Variants in PCLO observed in about 807,000 individuals in gnomAD.
PCLO encodes piccolo presynaptic cytomatrix protein.
PCLO carries 82 observed loss-of-function variants against 427.5 expected under a neutral mutation model. The observed-to-expected ratio is 0.19, with a 90% CI of 0.16 to 0.23. The LOEUF is 0.23. Ranked by LOEUF, PCLO falls within the 10% of genes least tolerant of loss-of-function variation. The probability of loss-of-function intolerance (pLI) is 1.00; values close to 1 mark genes in which losing one functional copy is unlikely to be tolerated. For synonymous variants in PCLO, 2,357 were observed against 2,155.4 expected (o/e 1.09, Z -2.59); for missense variants, 6,239 against 6,115.9 (o/e 1.02, Z -0.67).
intron 3 of PCLO, among the ~76,000 whole-genome samples, chr7:82,991,548 A>C (rs970279872): frequency 3.3e-5 from 5 of 152,094 alleles, no homozygotes; most frequent in Non-Finnish European, 5.9e-5. Context: ...AGATAACAAT[A>C]TATTTAAATA....
At chr7:83,050,208 G>GAAAAAAAAA (rs556193471) in intron 3 of PCLO, among the ~76,000 whole-genome samples, 2 of 5,458 alleles carry the variant, frequency 3.7e-4, no homozygotes, top group African/African-American at 5.0e-4. Context: ...CTGAAAAACT[G>GAAAAAAAAA]AAAAAAAAAA....
At chr7:82,773,250 G>A (rs1257211437) in intron 22 of PCLO, among the ~76,000 whole-genome samples, 1 of 152,152 alleles carries the variant, frequency 6.6e-6, no homozygotes, top group East Asian at 1.9e-4. Flanking sequence ...TATAATGTAA[G>A]AAAAACTAGG....
At chr7:83,074,039 T>G (rs955198976) in intron 3 of PCLO, among the ~76,000 whole-genome samples, 1 of 152,074 alleles carries the variant, frequency 6.6e-6, no homozygotes, top group African/African-American at 2.4e-5. Flanking sequence ...ACACATATAA[T>G]TGTGGAAAAG....
At chr7:83,064,594 A>G (rs934491938) in intron 3 of PCLO, among the ~76,000 whole-genome samples, 1 of 152,038 alleles carries the variant, frequency 6.6e-6, no homozygotes, top group Non-Finnish European at 1.5e-5. Flanking sequence ...GTACCTTGTT[A>G]TTATTATTCC....
intron 3 of PCLO, among the ~76,000 whole-genome samples, chr7:83,088,795 C>T (rs1013388033): frequency 6.6e-6 from 1 of 152,084 alleles, no homozygotes; most frequent in East Asian, 1.9e-4. Flanking sequence ...ATGTCCTTAC[C>T]ACAGAGAAAG....
At chr7:82,822,758 C>T in intron 19 of PCLO, 69 bp from the exon 20 acceptor site, 3 of 1,389,968 alleles carry the variant, frequency 2.2e-6, no homozygotes, top group East Asian at 2.3e-5. Context: ...TTGGTTTACA[C>T]ATAATTTGAA....
rs1201296534 is a variant in PCLO at position 82,937,397 on chromosome 7, TCTA to T, written c.11112+12076_11112+12078del. Among the ~76,000 whole-genome samples, 11 of 150,816 alleles carry T rather than the reference TCTA, an allele frequency of 7.3e-5. No individual in the cohort carries two copies. The East Asian group carries it at 1.2e-3, about 16-fold the overall frequency. On this transcript the variant is annotated intron_variant, in intron 6 of 24. Transcript: ENST00000333891. Reference sequence around the variant, plus strand: ...CCTCACTTTGTATAAAATAATAAACTCTACTGTAGTATTTTAAAATATGTTTAA... The same window carrying T: ...CCTCACTTTGTATAAAATAATAAACTCTGTAGTATTTTAAAATATGTTTAA...
chr7:82,808,550 A>G (rs2129468895), intron 20 of PCLO, among the ~76,000 whole-genome samples: 1 of 152,012 alleles, frequency 6.6e-6, no homozygotes, highest in African/African-American at 2.4e-5. Context: ...TAGAATTCTC[A>G]TTTTGAAAGC....
chr7:82,778,726 G>A (rs1017923154), intron 22 of PCLO, among the ~76,000 whole-genome samples: 1 of 151,802 alleles, frequency 6.6e-6, no homozygotes, highest in African/African-American at 2.4e-5. Context: ...GATTTTCTCT[G>A]AGTCATTTAT....
In PCLO at chr7:82,811,640, A is replaced by G. The variant is rs144233429; in HGVS notation, c.14792-5811T>C. ...AGAAGAGGTACTGCATCTTAAAAGTAATTTAGAAGTTTAATTTTTTTCCAA... is the reference window on the plus strand; with the variant it reads ...AGAAGAGGTACTGCATCTTAAAAGTGATTTAGAAGTTTAATTTTTTTCCAA... On this transcript the variant is annotated intron_variant, in intron 20 of 24. Transcript: ENST00000333891. Among the ~76,000 whole-genome samples the G allele has an allele frequency of 1.5e-3, 221 of 151,620 alleles. 5 individuals carry two copies. The East Asian group carries it at 0.036, about 25-fold the overall frequency.
chr7:83,073,325 T>C (rs2116364306), intron 3 of PCLO, among the ~76,000 whole-genome samples: 1 of 152,190 alleles, frequency 6.6e-6, no homozygotes, highest in South Asian at 2.1e-4. Flanking sequence ...GCAAATATTT[T>C]CCTAGCTTAT....
intron 9 of PCLO, among the ~76,000 whole-genome samples, chr7:82,900,528 T>TA (rs1794012089): frequency 7.4e-6 from 1 of 135,548 alleles, no homozygotes; most frequent in African/African-American, 2.8e-5. Context: ...ATTTATATTT[T>TA]ATCTCATTGA....
chr7:82,837,481 T>C (rs1281896997), intron 15 of PCLO, among the ~76,000 whole-genome samples: 1 of 152,076 alleles, frequency 6.6e-6, no homozygotes, highest in African/African-American at 2.4e-5. Context: ...CTAATTTGGC[T>C]GATATGAATT....
intron 22 of PCLO, among the ~76,000 whole-genome samples, chr7:82,781,489 C>T (rs1027121687): frequency 1.0e-4 from 15 of 148,940 alleles, no homozygotes; most frequent in Non-Finnish European, 1.8e-4. Flanking sequence ...TGTTGTTCCC[C>T]TCTCTGTGTC....
rs752249225 is a variant in PCLO, at chr7:82,950,376, CACA to C, written c.10209_10211del (p.Val3404del). 2.7e-5 allele frequency: 44 copies of C among 1,613,684 alleles called. No homozygotes were observed. The highest frequency in any genetic ancestry group is 2.3e-4 in the Admixed American group (14 of 59,948). On this transcript the variant is annotated inframe_deletion, in exon 6 of 25. Transcript: ENST00000333891. ...TCTTTTTGGGTTGTTTTTCCTCTTT[CACA>C]ACAACATCTGTTAGAGGTATTTCTG...
intron 3 of PCLO, among the ~76,000 whole-genome samples, chr7:82,972,962 G>A (rs1795937983): frequency 6.6e-6 from 1 of 151,944 alleles, no homozygotes; most frequent in Admixed American, 6.6e-5. Context: ...CGGCAATATG[G>A]TGTTCTATTC....
rs755184345 is a variant in PCLO at position 82,916,085 on chromosome 7, T to C, written c.11901A>G (p.Thr3967=). The change falls in exon 7 of 25, where the codon ACA becomes ACG. Residue 3967 remains threonine (T), a synonymous_variant. Coordinates refer to ENST00000333891, the MANE Select transcript of PCLO (RefSeq NM_033026.6). ...MVIQQKPRQT[T]LYLEPKITSN... is the part of the protein sequence containing the mutation. ...AGGTTATCTTGGGCTCCAAATATAA[T>C]GTAGTTTGCCGTGGCTTCTGTTGTA... 40 of 1,613,450 alleles carry C rather than the reference T, an allele frequency of 2.5e-5. No homozygotes were observed. The highest frequency in any genetic ancestry group is 3.1e-5 in the Non-Finnish European group (37 of 1,179,752).
intron 22 of PCLO, among the ~76,000 whole-genome samples, chr7:82,791,092 G>A (rs1032573309): frequency 6.6e-6 from 1 of 152,024 alleles, no homozygotes. Flanking sequence ...GCATAAATAC[G>A]GTAATACCTT....
intron 3 of PCLO, among the ~76,000 whole-genome samples, chr7:83,024,866 G>C (rs1038998070): frequency 6.6e-6 from 1 of 151,942 alleles, no homozygotes; most frequent in African/African-American, 2.4e-5. Context: ...CACACGGCAG[G>C]GTACTCCAAC....
Sources: allele counts gnomAD v4.1 joint callset (sites outside exome capture counted in the v4.1 genomes callset), GRCh38; gene constraint gnomAD v4.1.1; transcripts MANE v1.5; gene names NCBI Gene and HGNC (gene_info 2026-07-23, HGNC 2026-07-21).